The following VDAC1 variants were observed in gnomAD, a reference collection of about 807,000 sequenced individuals.
VDAC1 encodes voltage dependent anion channel 1, also known as non-selective voltage-gated ion channel VDAC1.
In VDAC1, 10 loss-of-function variants were observed where a neutral mutation model predicts 34.7. The observed-to-expected ratio is 0.29, with a 90% CI of 0.18 to 0.49. The LOEUF is 0.49. Among genes scored for constraint, VDAC1 ranks in the 20% least tolerant of loss-of-function variants. The probability of loss-of-function intolerance (pLI) is 0.99; values close to 1 mark genes in which losing one functional copy is unlikely to be tolerated. For synonymous variants in VDAC1, 130 were observed against 136.0 expected (o/e 0.96, Z 0.30); for missense variants, 230 against 347.9 (o/e 0.66, Z 2.69).
the VDAC1 span, among the ~76,000 whole-genome samples, chr5:134,072,082 C>T: frequency 6.6e-6 from 1 of 152,104 alleles, no homozygotes; most frequent in Non-Finnish European, 1.5e-5. Flanking sequence ...GAGCAGCTCG[C>T]CCTAGGGTCC....
chr5:134,032,491 C>T, the VDAC1 span, among the ~76,000 whole-genome samples: 14 of 152,322 alleles, frequency 9.2e-5, no homozygotes, highest in African/African-American at 3.1e-4. Flanking sequence ...CATTACAAAG[C>T]ATACATGTGC....
At chr5:134,102,188 C>T in the VDAC1 span, among the ~76,000 whole-genome samples, 1 of 152,110 alleles carries the variant, frequency 6.6e-6, no homozygotes, top group South Asian at 2.1e-4. Flanking sequence ...TGAGCAGCCC[C>T]CGCCGCTCTG....
At chr5:134,113,702 G>T in the VDAC1 span, among the ~76,000 whole-genome samples, 1 of 152,376 alleles carries the variant, frequency 6.6e-6, no homozygotes, top group East Asian at 1.9e-4. Context: ...GGAGGCCCGC[G>T]TGGACGCAGA....
At chr5:134,056,182 A>T in the VDAC1 span, among the ~76,000 whole-genome samples, 1 of 147,680 alleles carries the variant, frequency 6.8e-6, no homozygotes, top group Non-Finnish European at 1.5e-5. Flanking sequence ...CAGAGGTTGC[A>T]GTGAGCCGAT....
At chr5:134,077,708 G>A in the VDAC1 span, among the ~76,000 whole-genome samples, 1 of 152,230 alleles carries the variant, frequency 6.6e-6, no homozygotes, top group African/African-American at 2.4e-5. Flanking sequence ...GCACAGAGAA[G>A]AGCTAGGCCT....
the VDAC1 span, among the ~76,000 whole-genome samples, chr5:134,085,625 C>T: frequency 5.4e-5 from 8 of 148,994 alleles, no homozygotes; most frequent in East Asian, 2.0e-4. Context: ...CAGTGGCTCA[C>T]GCCTGTAATC....
At chr5:133,983,065 C>T (rs1393770934) in intron 5 of VDAC1, among the ~76,000 whole-genome samples, 1 of 151,364 alleles carries the variant, frequency 6.6e-6, no homozygotes, top group Non-Finnish European at 1.5e-5. Context: ...GCCTGACCAA[C>T]ACGGAGAAAT....
chr5:134,077,371 A>G, the VDAC1 span, among the ~76,000 whole-genome samples: 1 of 152,168 alleles, frequency 6.6e-6, no homozygotes, highest in Non-Finnish European at 1.5e-5. Context: ...GGCACAGGAA[A>G]AAAAACTTCA....
intron 5 of VDAC1, among the ~76,000 whole-genome samples, chr5:133,984,497 C>T (rs1752833368): frequency 6.8e-6 from 1 of 147,748 alleles, no homozygotes; most frequent in Non-Finnish European, 1.5e-5. Flanking sequence ...GTTACCTAGG[C>T]TGGTCTCCAA....
the VDAC1 span, among the ~76,000 whole-genome samples, chr5:134,043,357 A>G: frequency 1.3e-5 from 2 of 152,122 alleles, no homozygotes; most frequent in African/African-American, 2.4e-5. Flanking sequence ...ACTCCAGGTC[A>G]CACAGAGGCA....
At chr5:133,984,698 G>A (rs1466136270) in intron 5 of VDAC1, among the ~76,000 whole-genome samples, 1 of 152,124 alleles carries the variant, frequency 6.6e-6, no homozygotes, top group African/African-American at 2.4e-5. Flanking sequence ...CACTTTTAGA[G>A]GCCAAGGCAG....
chr5:134,036,304 G>A, the VDAC1 span, among the ~76,000 whole-genome samples: 1 of 152,052 alleles, frequency 6.6e-6, no homozygotes, highest in Non-Finnish European at 1.5e-5. Context: ...AGAATAGCAC[G>A]TCACTGCTGT....
the VDAC1 span, among the ~76,000 whole-genome samples, chr5:134,109,263 C>T: frequency 2.0e-5 from 3 of 152,184 alleles, no homozygotes; most frequent in African/African-American, 7.2e-5. Context: ...TTGAATAGTT[C>T]TTTCTCAATA....
chr5:134,074,532 C>T, the VDAC1 span, among the ~76,000 whole-genome samples: 1 of 151,696 alleles, frequency 6.6e-6, no homozygotes, highest in Non-Finnish European at 1.5e-5. Context: ...AAGAGGGGCT[C>T]ACAGTGTAAG....
the VDAC1 span, among the ~76,000 whole-genome samples, chr5:134,051,541 C>T: frequency 1.3e-5 from 2 of 152,318 alleles, no homozygotes; most frequent in Non-Finnish European, 2.9e-5. Flanking sequence ...AGCCAGTCCC[C>T]TTGCTCAATA....
chr5:134,061,713 A>G, the VDAC1 span, among the ~76,000 whole-genome samples: 1 of 151,714 alleles, frequency 6.6e-6, no homozygotes, highest in Admixed American at 6.6e-5. Context: ...TCTTACACAT[A>G]AAGTTGCAAT....
At chr5:134,064,455 C>A in the VDAC1 span, among the ~76,000 whole-genome samples, 1 of 152,000 alleles carries the variant, frequency 6.6e-6, no homozygotes, top group African/African-American at 2.4e-5. Flanking sequence ...CAGGCATTTG[C>A]CACTGCACCT....
chr5:134,025,679 T>A, the VDAC1 span, among the ~76,000 whole-genome samples: 1 of 152,102 alleles, frequency 6.6e-6, no homozygotes, highest in Non-Finnish European at 1.5e-5. Context: ...AACCTCAAAC[T>A]CCTGGGCTCA....
the VDAC1 span, among the ~76,000 whole-genome samples, chr5:134,027,734 T>A: frequency 1.1e-4 from 16 of 151,960 alleles, no homozygotes; most frequent in African/African-American, 3.4e-4. Context: ...CTGTTATTTT[T>A]GGTATAATAA....
Sources: gnomAD v4.1 joint callset for allele counts (sites outside exome capture counted in the v4.1 genomes callset) on GRCh38, gnomAD v4.1.1 for gene constraint, MANE v1.5 for transcripts, NCBI Gene and HGNC (gene_info 2026-07-23, HGNC 2026-07-21) for gene names.